Variants in NUSAP1 observed in about 807,000 individuals in gnomAD.
NUSAP1 encodes nucleolar and spindle-associated protein 1.
Under a neutral mutation model 52.8 loss-of-function variants are expected in NUSAP1, and 32 were observed. The observed-to-expected ratio is 0.61, with a 90% CI of 0.46 to 0.81. The LOEUF (loss-of-function observed/expected upper bound fraction) is 0.81. NUSAP1 is among the 40% of genes least tolerant of loss of function. NUSAP1 has a pLI of 0.00. For missense variants in NUSAP1, 499 were observed against 522.3 expected, an observed-to-expected ratio of 0.96 and a Z score of 0.43; for synonymous variants, 195 against 183.1, an observed-to-expected ratio of 1.06 and a Z score of -0.52.
intron 2 of NUSAP1, 36 bp from the exon 3 acceptor site, chr15:41,349,062 A>T (rs2048686718): frequency 6.3e-7 from 1 of 1,597,734 alleles, no homozygotes; most frequent in East Asian, 2.2e-5. Flanking sequence ...ATAACTGTAG[A>T]CATAGCACAT....
intron 7 of NUSAP1, among the ~76,000 whole-genome samples, chr15:41,366,275 T>C (rs974171722): frequency 2.0e-5 from 3 of 148,298 alleles, no homozygotes; most frequent in Non-Finnish European, 4.4e-5. Context: ...CCAACCTTTC[T>C]TTTTTTTTCT....
chr15:41,363,082 T>A (rs1198155174), intron 6 of NUSAP1, among the ~76,000 whole-genome samples: 8 of 151,062 alleles, frequency 5.3e-5, no homozygotes, highest in East Asian at 3.9e-4. Flanking sequence ...AGGTCAGGAG[T>A]TCAAGACCAG....
At chr15:41,360,613 G>T (rs2049134728) in intron 6 of NUSAP1, among the ~76,000 whole-genome samples, 1 of 151,164 alleles carries the variant, frequency 6.6e-6, no homozygotes, top group Non-Finnish European at 1.5e-5. Flanking sequence ...ACGGCGCCCA[G>T]CCCCTGCTAA....
intron 4 of NUSAP1, among the ~76,000 whole-genome samples, chr15:41,354,670 G>GATATATATATATATAT (rs10541882): frequency 9.6e-5 from 14 of 146,086 alleles, no homozygotes; most frequent in African/African-American, 3.3e-4. Context: ...TGTTTTAACC[G>GATATATATATATATAT]ATATATATAT....
intron 1 of NUSAP1, among the ~76,000 whole-genome samples, chr15:41,335,514 T>C (rs2048088059): frequency 7.2e-6 from 1 of 138,092 alleles, no homozygotes; most frequent in South Asian, 2.3e-4. Flanking sequence ...AGTATAGATA[T>C]ACTATATACT....
At chr15:41,349,870 A>G (rs2048718269) in intron 3 of NUSAP1, among the ~76,000 whole-genome samples, 1 of 149,434 alleles carries the variant, frequency 6.7e-6, no homozygotes, top group South Asian at 2.1e-4. Flanking sequence ...AGGTTCAAGC[A>G]ATTCTCCTGC....
intron 5 of NUSAP1, among the ~76,000 whole-genome samples, chr15:41,356,559 T>C (rs1595564580): frequency 6.6e-6 from 1 of 152,002 alleles, no homozygotes; most frequent in East Asian, 1.9e-4. Flanking sequence ...TTCACCATGT[T>C]GGCCAGCATG....
intron 8 of NUSAP1, among the ~76,000 whole-genome samples, chr15:41,372,581 C>A (rs1200555909): frequency 1.3e-5 from 2 of 152,142 alleles, no homozygotes; most frequent in Non-Finnish European, 2.9e-5. Flanking sequence ...CATTTACTGT[C>A]CTGAATGAAT....
At chr15:41,343,361 T>G (rs1171072958) in intron 2 of NUSAP1, 2 of 152,154 alleles carry the variant, frequency 1.3e-5, no homozygotes, top group Admixed American at 1.3e-4. Flanking sequence ...ATTCTTTTTG[T>G]TGTTGTAGTT....
chr15:41,358,370 T>C lies in NUSAP1; in HGVS notation c.660+112T>C, dbSNP rs2049046293. Reference sequence around the variant, plus strand: ...GCTGTCACTCTACCAGTAGATTTGTTTGAATTTAATATATCTTTATCTAAA... The same window carrying C: ...GCTGTCACTCTACCAGTAGATTTGTCTGAATTTAATATATCTTTATCTAAA... On this transcript the variant is annotated intron_variant, in intron 6 of 10. Coordinates refer to ENST00000559596, the MANE Select transcript of NUSAP1 (RefSeq NM_016359.5). 3 of 605,326 alleles carry C rather than the reference T, an allele frequency of 5.0e-6. No homozygotes were observed. In the Admixed American group the frequency reaches 1.0e-4, roughly 21 times the overall value. 37.5% of individuals were successfully genotyped at this position (605,326 alleles called of 1,614,324 possible).
At chr15:41,372,287 G>A (rs1381739116) in intron 8 of NUSAP1, among the ~76,000 whole-genome samples, 3 of 152,210 alleles carry the variant, frequency 2.0e-5, no homozygotes, top group East Asian at 1.9e-4. Context: ...CACAGTATTC[G>A]TTGCAGCCTC....
At chr15:41,360,490 G>T (rs1486351046) in intron 6 of NUSAP1, among the ~76,000 whole-genome samples, 1 of 151,926 alleles carries the variant, frequency 6.6e-6, no homozygotes, top group African/African-American at 2.4e-5. Flanking sequence ...CTAATTTTTT[G>T]TATTTTTAGT....
rs536862203 is a variant in NUSAP1 at position 41,356,255 on chromosome 15, G to A, written c.550+115G>A. The A allele has an allele frequency of 3.9e-5, 27 of 688,156 alleles. 1 individual carries two copies. Among genetic ancestry groups the A allele is most frequent in the South Asian group, 1.3e-4 (8 of 61,142 alleles). 42.6% of individuals were successfully genotyped at this position (688,156 alleles called of 1,614,324 possible). ...AACCAGTTTACATTCTAGTTCTCTCGTCTTTTAGGTTTGATATCTTGGGGA... is the reference window on the plus strand; with the variant it reads ...AACCAGTTTACATTCTAGTTCTCTCATCTTTTAGGTTTGATATCTTGGGGA... On this transcript the variant is annotated intron_variant, in intron 5 of 10. Coordinates refer to ENST00000559596, the MANE Select transcript of NUSAP1 (RefSeq NM_016359.5).
intron 2 of NUSAP1, among the ~76,000 whole-genome samples, 159 bp downstream of exon 2, chr15:41,342,613 G>A (rs543079923): frequency 2.6e-5 from 4 of 152,234 alleles, no homozygotes; most frequent in South Asian, 2.1e-4. Context: ...AGTGGCAGGC[G>A]GATCACTTGA....
intron 9 of NUSAP1, among the ~76,000 whole-genome samples, chr15:41,376,292 G>C (rs1357893670): frequency 1.3e-5 from 2 of 151,496 alleles, no homozygotes; most frequent in Non-Finnish European, 2.9e-5. Context: ...CCAGCTACTT[G>C]GGAGGCTGAG....
rs1053518425 is a variant in NUSAP1, at chr15:41,335,239, TA to T, written c.93+2191del. On this transcript the variant is annotated intron_variant, in intron 1 of 10. Transcript: ENST00000559596. ...CATAAATATACTAGTATAATTATGC[TA>T]ATAAAATTTATAATTTATACTAGTA... Among the ~76,000 whole-genome samples the T allele has an allele frequency of 1.1e-3, 161 of 146,294 alleles. 1 individual carries two copies. Among genetic ancestry groups the T allele is most frequent in the African/African-American group, 3.9e-3 (155 of 39,720 alleles).
chr15:41,368,574 T>C (rs2049514918), intron 7 of NUSAP1, among the ~76,000 whole-genome samples: 2 of 152,114 alleles, frequency 1.3e-5, no homozygotes, highest in Admixed American at 1.3e-4. Flanking sequence ...CAGTGGGACT[T>C]TCCCCATAGA....
chr15:41,341,747 A>G (rs2048374256), intron 1 of NUSAP1, among the ~76,000 whole-genome samples: 1 of 152,216 alleles, frequency 6.6e-6, no homozygotes, highest in Admixed American at 6.5e-5. Context: ...GTGCAGGTAG[A>G]CTACTCATTC....
intron 3 of NUSAP1, chr15:41,349,514 G>C (rs2048702619): frequency 3.3e-6 from 1 of 298,672 alleles, no homozygotes; most frequent in Admixed American, 4.5e-5. Context: ...GTGAGGTGTA[G>C]TAGGTAGGAA....
Sources: allele counts gnomAD v4.1 joint callset (sites outside exome capture counted in the v4.1 genomes callset), GRCh38; gene constraint gnomAD v4.1.1; transcripts MANE v1.5; gene names NCBI Gene and HGNC (gene_info 2026-07-23, HGNC 2026-07-21).